Variants in PACS1 observed in about 807,000 individuals in gnomAD.
The protein encoded by PACS1 is PACS-1.
In PACS1, 24 loss-of-function variants were observed where a neutral mutation model predicts 115.0. The ratio of observed to expected loss-of-function variants is 0.21; its 90% confidence interval spans 0.15 to 0.29. PACS1 has a LOEUF of 0.29. Ranked by LOEUF, PACS1 falls within the 10% of genes least tolerant of loss-of-function variation. The probability of loss-of-function intolerance (pLI) is 1.00; values close to 1 mark genes in which losing one functional copy is unlikely to be tolerated. For synonymous variants in PACS1, 453 were observed against 504.5 expected (o/e 0.90, Z 1.37); for missense variants, 838 against 1,251.2 (o/e 0.67, Z 4.98).
intron 1 of PACS1, among the ~76,000 whole-genome samples, chr11:66,106,480 G>A (rs1369007249): frequency 6.6e-6 from 1 of 152,152 alleles, no homozygotes; most frequent in Admixed American, 6.5e-5. Context: ...GCTGAGACAT[G>A]AGAATCACTT....
chr11:66,157,777 A>G (rs1859394188), intron 1 of PACS1, among the ~76,000 whole-genome samples: 1 of 151,838 alleles, frequency 6.6e-6, no homozygotes, highest in African/African-American at 2.4e-5. Flanking sequence ...GGCTCCTAGA[A>G]TACTCATTTA....
chr11:66,136,201 T>G (rs1379034433), intron 1 of PACS1, among the ~76,000 whole-genome samples: 1 of 151,172 alleles, frequency 6.6e-6, no homozygotes, highest in African/African-American at 2.5e-5. Context: ...AATTGTGCTG[T>G]TGCTTTCAGT....
intron 1 of PACS1, among the ~76,000 whole-genome samples, chr11:66,145,378 T>C (rs979470359): frequency 1.3e-5 from 2 of 152,154 alleles, no homozygotes; most frequent in Non-Finnish European, 1.5e-5. Flanking sequence ...GAAAAGCCCC[T>C]GTCCGGTGGC....
chr11:66,152,181 C>T (rs1859255052), intron 1 of PACS1, among the ~76,000 whole-genome samples: 4 of 152,264 alleles, frequency 2.6e-5, no homozygotes, highest in Middle Eastern at 6.8e-3. Context: ...CTGCAGTGAG[C>T]TGTGATCGTG....
At chr11:66,165,576 C>G (rs534699386) in intron 1 of PACS1, among the ~76,000 whole-genome samples, 1 of 152,254 alleles carries the variant, frequency 6.6e-6, no homozygotes, top group East Asian at 1.9e-4. Context: ...CATGTCCTGA[C>G]TTTTCTGCCC....
At chr11:66,194,255 C>T (rs561209164) in intron 2 of PACS1, among the ~76,000 whole-genome samples, 3 of 152,158 alleles carry the variant, frequency 2.0e-5, no homozygotes, top group Non-Finnish European at 4.4e-5. Flanking sequence ...TGAGCCACCG[C>T]GCCCAGCCTG....
At chr11:66,074,526 A>T (rs1190420443) in intron 1 of PACS1, among the ~76,000 whole-genome samples, 1 of 152,210 alleles carries the variant, frequency 6.6e-6, no homozygotes, top group Non-Finnish European at 1.5e-5. Flanking sequence ...AAATTTTACA[A>T]GCATTCAAAA....
chr11:66,079,888 C>T (rs769783312), intron 1 of PACS1, among the ~76,000 whole-genome samples: 2 of 152,176 alleles, frequency 1.3e-5, no homozygotes, highest in African/African-American at 2.4e-5. Flanking sequence ...GTCACCCTCG[C>T]CTTAGGGCTT....
At position 66,225,354 on chromosome 11, in the gene PACS1, A is replaced by G. The variant is rs544693575; in HGVS notation, c.1294-2150A>G. ...CAGCTGGAGTCCTGCTGGTGTTCCA[A>G]CATCTTTTGGGGGAAAAAGCCCTTT... On this transcript the variant is annotated intron_variant, in intron 10 of 23. Transcript: ENST00000320580. 4.6e-5 allele frequency among the ~76,000 whole-genome samples: 7 copies of G among 152,342 alleles called. No individual in the cohort carries two copies. In the Middle Eastern group the frequency reaches 0.01, roughly 222 times the overall value.
intron 1 of PACS1, among the ~76,000 whole-genome samples, chr11:66,104,461 C>G (rs1159952155): frequency 6.6e-6 from 1 of 152,208 alleles, no homozygotes; most frequent in Non-Finnish European, 1.5e-5. Flanking sequence ...TGGAATACAA[C>G]CACACCCATT....
Position 66,216,761 on chromosome 11 carries a change from T to A in PACS1, c.964T>A (p.Ser322Thr). 6.2e-7 allele frequency: 1 copy of A among 1,613,606 alleles called. No homozygotes were observed. Among genetic ancestry groups the A allele is most frequent in the Non-Finnish European group, 8.5e-7 (1 of 1,179,674 alleles). The stretch of plus-strand genomic sequence containing the variant: ...GACCCGGAGGAAACTAACCTCAACC[T>A]CTGCCATCACAAGGGTGAGCCTCAA... The part of the protein sequence containing the change: ...KKTRRKLTST[S>T]AITRQPNIKQ... Residue 322 changes from serine to threonine, a missense_variant, in exon 7 of 24, where the codon TCT becomes ACT. Physicochemically the swap from Ser to Thr is moderately conservative, Grantham distance 58. Coordinates refer to ENST00000320580, the MANE Select transcript of PACS1 (RefSeq NM_018026.4).
In PACS1 at chr11:66,070,973, C is replaced by T; in HGVS notation, c.356+131C>T. 3.1e-6 allele frequency: 3 copies of T among 957,712 alleles called. No homozygotes were observed. The highest frequency in any genetic ancestry group is 4.2e-6 in the Non-Finnish European group (3 of 710,958). The allele number at this position is 957,712 out of a possible 1,614,324, so 59.3% of individuals were successfully genotyped here. ...ACTGTCCCGCGGCCCGGCCTGGCTC[C>T]AGCCAGGCCTCCCGGGACTCCTGCC... On this transcript the variant is annotated intron_variant, in intron 1 of 23. Transcript: ENST00000320580. The surrounding 1 kb of genome is among the most constrained non-coding windows in gnomAD (Gnocchi z 5.9).
chr11:66,096,201 TTTTC>T (rs1204726909), intron 1 of PACS1, among the ~76,000 whole-genome samples: 6 of 135,360 alleles, frequency 4.4e-5, no homozygotes, highest in Non-Finnish European at 9.4e-5. Flanking sequence ...CTTTTTATCT[TTTTC>T]TTTCTTTTTT....
In PACS1 at chr11:66,187,346, C is replaced by G. The variant is rs74357604; in HGVS notation, c.357-6140C>G. 2.0e-5 allele frequency among the ~76,000 whole-genome samples: 3 copies of G among 152,250 alleles called. No individual in the cohort carries two copies. The East Asian group carries it at 5.8e-4, about 29-fold the overall frequency. ...AGAACATTGACTCTCCTCCTCCTAG[C>G]TATCTGTAATTAATATTATTATTAA... On this transcript the variant is annotated intron_variant, in intron 1 of 23. Coordinates refer to ENST00000320580, the MANE Select transcript of PACS1 (RefSeq NM_018026.4).
At chr11:66,107,458 C>G (rs1236512168) in intron 1 of PACS1, among the ~76,000 whole-genome samples, 2 of 152,124 alleles carry the variant, frequency 1.3e-5, no homozygotes, top group African/African-American at 4.8e-5. Flanking sequence ...TTTACTGTCT[C>G]CCTGTTTCCA....
At chr11:66,183,195 T>G (rs764703554) in intron 1 of PACS1, among the ~76,000 whole-genome samples, 1 of 152,164 alleles carries the variant, frequency 6.6e-6, no homozygotes, top group South Asian at 2.1e-4. Context: ...AATTATGCTA[T>G]TTCATATGAA....
intron 1 of PACS1, among the ~76,000 whole-genome samples, chr11:66,116,296 C>G (rs1268651066): frequency 2.0e-5 from 3 of 152,218 alleles, no homozygotes; most frequent in African/African-American, 7.2e-5. Flanking sequence ...TCTCACATCC[C>G]TTCTTTGCCC....
chr11:66,233,064 C>T lies in PACS1; in HGVS notation c.1836C>T (p.Arg612=), dbSNP rs770273623. 8 of 1,604,008 alleles carry T rather than the reference C, an allele frequency of 5.0e-6. No individual in the cohort carries two copies. Among genetic ancestry groups the T allele is most frequent in the Non-Finnish European group, 1.7e-6 (2 of 1,176,218 alleles). The part of the protein sequence containing the change: ...VLSALLTRIQ[R]YCNCNSSMPR... ...CCGCCCTGCTCACCCGGATCCAGCG[C>T]TAGTAAGGGCTCTGGCCTCCCTTCT... is the stretch of plus-strand genomic sequence containing the variant. The change falls in exon 15 of 24, where the codon CGC becomes CGT. Residue 612 remains arginine, a splice_region_variant and synonymous_variant. Coordinates refer to ENST00000320580, the MANE Select transcript of PACS1 (RefSeq NM_018026.4). The surrounding 1 kb of genome is among the most constrained non-coding windows in gnomAD (Gnocchi z 4.5).
intron 2 of PACS1, among the ~76,000 whole-genome samples, chr11:66,203,598 A>G (rs1258570615): frequency 6.6e-6 from 1 of 152,224 alleles, no homozygotes; most frequent in Non-Finnish European, 1.5e-5. Flanking sequence ...ATCTGACTTC[A>G]AATTATACTA....
Sources: gnomAD v4.1 joint callset for allele counts (sites outside exome capture counted in the v4.1 genomes callset) on GRCh38, gnomAD v4.1.1 for gene constraint, Gnocchi (gnomAD v3.1) non-coding constraint, MANE v1.5 for transcripts, NCBI Gene and HGNC (gene_info 2026-07-23, HGNC 2026-07-21) for gene names.